The following HCRTR2 variants were observed in gnomAD, a reference collection of about 807,000 sequenced individuals.
The protein encoded by HCRTR2 is hypocretin receptor 2, also known as orexin receptor type 2.
HCRTR2 carries 22 observed loss-of-function variants against 49.0 expected under a neutral mutation model. The ratio of observed to expected loss-of-function variants is 0.45; its 90% CI spans 0.32 to 0.64. The LOEUF is 0.64. Ranked by LOEUF, HCRTR2 falls within the 30% of genes least tolerant of loss-of-function variation. The pLI is 0.04. For synonymous variants in HCRTR2, 236 were observed against 205.3 expected (o/e 1.15, Z -1.28); for missense variants, 491 against 559.4 (o/e 0.88, Z 1.23).
intron 4 of HCRTR2, among the ~76,000 whole-genome samples, chr6:55,273,844 G>A (rs79557327): frequency 0.027 from 4,120 of 151,760 alleles, 206 homozygotes; most frequent in African/African-American, 0.092. Context: ...TACTTTTTAA[G>A]TGAGGTGAGT....
At chr6:55,212,341 C>G (rs894755383) in intron 1 of HCRTR2, among the ~76,000 whole-genome samples, 11 of 152,036 alleles carry the variant, frequency 7.2e-5, no homozygotes, top group Non-Finnish European at 1.2e-4. Context: ...CTATAGAATC[C>G]CAACTTTGTT....
intron 5 of HCRTR2, 101 bp from the exon 6 acceptor site, chr6:55,280,222 A>G (rs1767162239): frequency 1.3e-6 from 1 of 776,264 alleles, no homozygotes; most frequent in African/African-American, 1.7e-5. Context: ...AATTCCTGCA[A>G]CTGAAGAGGA....
In HCRTR2 at chr6:55,229,093, A is replaced by G. The variant is rs568060306; in HGVS notation, c.224-19546A>G. Among the ~76,000 whole-genome samples the G allele has an allele frequency of 1.2e-4, 18 of 152,368 alleles. 1 individual carries two copies. Among genetic ancestry groups the G allele is most frequent in the African/African-American group, 4.3e-4 (18 of 41,584 alleles). ...ACCATCACCTCACACTTGTTAGGAT[A>G]ACAAACATTAGCAAAACCAAAGATG... On this transcript the variant is annotated intron_variant, in intron 1 of 6. Transcript: ENST00000370862.
At chr6:55,272,487 C>A (rs1581870654) in intron 4 of HCRTR2, among the ~76,000 whole-genome samples, 1 of 151,830 alleles carries the variant, frequency 6.6e-6, no homozygotes, top group East Asian at 1.9e-4. Context: ...TTTTTGAACC[C>A]CTTAAAGCAG....
upstream of HCRTR2, among the ~76,000 whole-genome samples, chr6:55,172,046 A>G (rs1561994575): frequency 2.0e-5 from 3 of 152,224 alleles, no homozygotes; most frequent in Admixed American, 2.0e-4. Context: ...GCCAGAGTAT[A>G]AAGTTGACAG....
intron 1 of HCRTR2, among the ~76,000 whole-genome samples, chr6:55,159,958 C>T (rs1434420325): frequency 6.6e-6 from 1 of 152,080 alleles, no homozygotes; most frequent in African/African-American, 2.4e-5. Flanking sequence ...GCAAGACAGG[C>T]CAACATTTAA....
intron 4 of HCRTR2, among the ~76,000 whole-genome samples, chr6:55,274,778 A>C (rs1269695182): frequency 6.6e-6 from 1 of 152,150 alleles, no homozygotes; most frequent in African/African-American, 2.4e-5. Context: ...ATCTCTATTC[A>C]TGAAGGATAT....
chr6:55,109,552 A>G (rs1425395544), intron 1 of HCRTR2, among the ~76,000 whole-genome samples: 6 of 152,196 alleles, frequency 3.9e-5, no homozygotes, highest in African/African-American at 1.4e-4. Flanking sequence ...GGAATGAAGG[A>G]CACACTTGTA....
At chr6:55,161,440 A>G (rs1290630063) in intron 1 of HCRTR2, among the ~76,000 whole-genome samples, 1 of 152,186 alleles carries the variant, frequency 6.6e-6, no homozygotes, top group Non-Finnish European at 1.5e-5. Flanking sequence ...AAGCAAAGGC[A>G]AACAAATTCA....
intron 1 of HCRTR2, among the ~76,000 whole-genome samples, chr6:55,233,718 A>G (rs1165252435): frequency 1.3e-5 from 2 of 152,098 alleles, no homozygotes; most frequent in Non-Finnish European, 2.9e-5. Context: ...ATAAATAAAT[A>G]AAGTCTGGAC....
chr6:55,248,644 G>T lies in HCRTR2; in HGVS notation c.229G>T (p.Val77Leu). Residue 77 changes from valine (V) to leucine (L), a missense_variant, in exon 2 of 7, where the codon GTG (valine) becomes TTG (leucine). Physicochemically the swap from Val to Leu is conservative, Grantham distance 32. Transcript: ENST00000370862. ...CCTTTTTCTTTTCAAATTAGTTTGT[G>T]TGGCAGTGTGGAAGAACCACCACAT... ...VALIGNVLVC[V>L]AVWKNHHMRT... The T allele has an allele frequency of 6.2e-7, 1 of 1,612,332 alleles. No individual in the cohort carries two copies. The highest frequency in any genetic ancestry group is 1.1e-5 in the South Asian group (1 of 91,054).
chr6:55,206,456 T>G lies in HCRTR2; in HGVS notation c.223+31646T>G, dbSNP rs529526131. Among the ~76,000 whole-genome samples the G allele has an allele frequency of 3.9e-4, 60 of 152,150 alleles. 1 individual carries two copies. The South Asian group carries it at 0.012, about 29-fold the overall frequency. ...ATTTTATGAAACTAGCTAAGATGAA[T>G]TATGTAGAAAAGATACAGATTTTCA... is the stretch of plus-strand genomic sequence containing the variant. On this transcript the variant is annotated intron_variant, in intron 1 of 6. Coordinates refer to ENST00000370862, the MANE Select transcript of HCRTR2 (RefSeq NM_001384272.1).
chr6:55,192,521 C>T (rs1344419784), intron 1 of HCRTR2, among the ~76,000 whole-genome samples: 2 of 151,938 alleles, frequency 1.3e-5, no homozygotes, highest in Admixed American at 6.6e-5. Context: ...CCCAGGAAGT[C>T]GAGGCTACAG....
chr6:55,192,413 G>GCGCACA (rs139180472), intron 1 of HCRTR2, among the ~76,000 whole-genome samples: 25,188 of 128,280 alleles, frequency 0.2, 2,462 homozygotes, highest in Middle Eastern at 0.3. Flanking sequence ...GCGCGCGCGC[G>GCGCACA]CACACACACA....
At chr6:55,187,411 C>CAAAA (rs57619664) in intron 1 of HCRTR2, among the ~76,000 whole-genome samples, 10 of 98,396 alleles carry the variant, frequency 1.0e-4, no homozygotes, top group Non-Finnish European at 1.6e-4. Context: ...GACTCCGTCT[C>CAAAA]AAAAAAAAAA....
At chr6:55,217,023 G>A (rs1470572196) in intron 1 of HCRTR2, among the ~76,000 whole-genome samples, 3 of 152,154 alleles carry the variant, frequency 2.0e-5, no homozygotes, top group African/African-American at 4.8e-5. Flanking sequence ...GCTTTCTGGA[G>A]CAGTGAGGTA....
chr6:55,271,262 T>C (rs78114776), intron 4 of HCRTR2, among the ~76,000 whole-genome samples: 1 of 152,096 alleles, frequency 6.6e-6, no homozygotes, highest in Non-Finnish European at 1.5e-5. Context: ...AATTGAGTAT[T>C]GATAAAGGTT....
chr6:55,200,268 T>C (rs974192765), intron 1 of HCRTR2, among the ~76,000 whole-genome samples: 20 of 150,298 alleles, frequency 1.3e-4, no homozygotes, highest in Non-Finnish European at 2.5e-4. Flanking sequence ...TGTGTGTGTG[T>C]GTGTGTGTGT....
chr6:55,262,445 A>C (rs1262631441), intron 3 of HCRTR2, among the ~76,000 whole-genome samples: 1 of 131,734 alleles, frequency 7.6e-6, no homozygotes, highest in Non-Finnish European at 1.6e-5. Context: ...AATATCTATT[A>C]ATATATATTA....
Sources: allele counts gnomAD v4.1 joint callset (sites outside exome capture counted in the v4.1 genomes callset), GRCh38; gene constraint gnomAD v4.1.1; transcripts MANE v1.5; gene names NCBI Gene and HGNC (gene_info 2026-07-23, HGNC 2026-07-21).